CYP2F1: variants seen among roughly 807,000 people sequenced by gnomAD.
The protein encoded by CYP2F1 is cytochrome P450 family 2 subfamily F member 1.
A neutral mutation model predicts 40.4 loss-of-function variants in CYP2F1; 33 were observed. That is an observed-to-expected ratio of 0.82 (90% CI 0.62 to 1.09). The LOEUF (loss-of-function observed/expected upper bound fraction) is 1.09. Ranked by LOEUF, CYP2F1 falls within the 50% of genes least tolerant of loss-of-function variation. The pLI, the probability that CYP2F1 is intolerant of heterozygous loss-of-function variation, is 0.00. For missense variants in CYP2F1, 566 were observed against 655.7 expected, an observed-to-expected ratio of 0.86 and a Z score of 1.49; for synonymous variants, 235 against 277.2, an observed-to-expected ratio of 0.85 and a Z score of 1.51.
chr19:41,114,759 T>C (rs2031685828), intron 1 of CYP2F1, among the ~76,000 whole-genome samples: 1 of 151,326 alleles, frequency 6.6e-6, no homozygotes, highest in African/African-American at 2.4e-5. Flanking sequence ...TTCCTCTCTG[T>C]CTCCGTCTCT....
chr19:41,116,732 A>C (rs1445729305), intron 3 of CYP2F1, 115 bp downstream of exon 3: 2 of 1,171,760 alleles, frequency 1.7e-6, no homozygotes, highest in Middle Eastern at 2.6e-4. Flanking sequence ...GACATCACTG[A>C]TGACACCAAA....
At position 41,127,897 on chromosome 19, in the gene CYP2F1, G is replaced by T. The variant is rs1448073721; in HGVS notation, c.1295-4G>T. ...CGCCGCTCCCCATCCTGCCACCCCT[G>T]CAGGGCGCCGTCTGTGCCTGGGAGA... is the stretch of plus-strand genomic sequence containing the variant. On this transcript the variant is annotated splice_polypyrimidine_tract_variant and splice_region_variant and intron_variant, in intron 9 of 9. Transcript: ENST00000331105. 2.5e-6 allele frequency: 4 copies of T among 1,610,052 alleles called. No individual in the cohort carries two copies. In the Admixed American group the frequency reaches 6.7e-5, roughly 27 times the overall value.
chr19:41,124,767 C>T lies in CYP2F1; in HGVS notation c.1013C>T (p.Pro338Leu), dbSNP rs568085061. 28 of 1,608,064 alleles carry T rather than the reference C, an allele frequency of 1.7e-5. No homozygotes were observed. Among genetic ancestry groups the T allele is most frequent in the Middle Eastern group, 3.3e-4 (2 of 6,042 alleles). Residue 338 changes from proline (P) to leucine (L), a missense_variant, in exon 8 of 10, where the codon CCG becomes CTG. Around this residue, in one of 5 missense-constraint regions of CYP2F1, gnomAD observed 128 missense variants for 121.0 expected, o/e 1.06. Coordinates refer to ENST00000331105, the MANE Select transcript of CYP2F1 (RefSeq NM_000774.5). ...IDLVVGRARL[P>L]ALKDRAAMPY... ...CTCGTGGTGGGACGCGCGCGGCTGCCGGCGCTGAAGGACCGCGCGGCCATG... is the reference window on the plus strand; with the variant it reads ...CTCGTGGTGGGACGCGCGCGGCTGCTGGCGCTGAAGGACCGCGCGGCCATG...
chr19:41,116,085 C>A (rs1337971405), intron 1 of CYP2F1, 93 bp from the exon 2 acceptor site: 7 of 1,243,866 alleles, frequency 5.6e-6, no homozygotes, highest in Non-Finnish European at 6.7e-6. Flanking sequence ...CATCTGCCTT[C>A]ATTTCCAGGG....
intron 7 of CYP2F1, among the ~76,000 whole-genome samples, chr19:41,124,255 C>CCA (rs1568381420): frequency 5.7e-5 from 2 of 35,250 alleles, no homozygotes; most frequent in African/African-American, 2.4e-4. Context: ...TCCCCCCCCC[C>CCA]TTTTTTTTTT....
At position 41,128,282 on chromosome 19, in the gene CYP2F1, T is replaced by C; in HGVS notation, c.*200T>C. 1.8e-6 allele frequency: 1 copy of C among 543,008 alleles called. No homozygotes were observed. Among genetic ancestry groups the C allele is most frequent in the Admixed American group, 3.3e-5 (1 of 30,658 alleles). 33.6% of individuals were successfully genotyped at this position (543,008 alleles called of 1,614,324 possible). ...AGGGCAGAGGCAGATGTGGCATGTC[T>C]TTTTGTACCCACAGAGCTTGTTCTA... On this transcript the variant is annotated 3_prime_UTR_variant, in exon 10 of 10. Coordinates refer to ENST00000331105, the MANE Select transcript of CYP2F1 (RefSeq NM_000774.5).
chr19:41,124,836 A>G lies in CYP2F1; in HGVS notation c.1082A>G (p.Asp361Gly). 1.2e-6 allele frequency: 2 copies of G among 1,611,796 alleles called. No individual in the cohort carries two copies. Among genetic ancestry groups the G allele is most frequent in the Non-Finnish European group, 1.7e-6 (2 of 1,179,846 alleles). The change falls in exon 8 of 10, where the codon GAC (aspartate) becomes GGC (glycine). Residue 361 changes from aspartate (D) to glycine (G), a missense_variant. Asp to Gly is a moderately conservative substitution (Grantham distance 94). Around this residue, in one of 5 missense-constraint regions of CYP2F1, gnomAD observed 128 missense variants for 121.0 expected, o/e 1.06. Transcript: ENST00000331105. ...ATCCACGAGGTGCAGCGCTTTGCAG[A>G]CATCATCCCCATGAACTTGCCGCAC... ...AVIHEVQRFA[D>G]IIPMNLPHRV...
intron 7 of CYP2F1, among the ~76,000 whole-genome samples, chr19:41,124,126 G>A (rs1385105132): frequency 4.6e-5 from 7 of 151,584 alleles, no homozygotes; most frequent in African/African-American, 1.7e-4. Context: ...CTGGATTCCA[G>A]GCCTCCCTGA....
intron 5 of CYP2F1, among the ~76,000 whole-genome samples, 161 bp from the exon 6 acceptor site, chr19:41,121,796 C>A (rs1568379342): frequency 6.9e-6 from 1 of 145,814 alleles, no homozygotes; most frequent in Non-Finnish European, 1.5e-5. Flanking sequence ...CATTTATGGC[C>A]GCCATTGCCT....
chr19:41,127,985 A>G lies in CYP2F1; in HGVS notation c.1379A>G (p.Gln460Arg). ...LTAILQSFSL[Q>R]PLGAPEDIDL... ...GCCATCCTGCAGAGCTTTTCGCTGC[A>G]GCCGCTGGGTGCGCCCGAGGACATC... Residue 460 changes from glutamine (Q) to arginine (R), a missense_variant, in exon 10 of 10, where the codon CAG (glutamine) becomes CGG (arginine). Coordinates refer to ENST00000331105, the MANE Select transcript of CYP2F1 (RefSeq NM_000774.5). The G allele has an allele frequency of 1.1e-5, 18 of 1,613,432 alleles. No individual in the cohort carries two copies. Among genetic ancestry groups the G allele is most frequent in the Non-Finnish European group, 1.5e-5 (18 of 1,180,008 alleles).
chr19:41,114,711 C>T (rs2031682986), intron 1 of CYP2F1, among the ~76,000 whole-genome samples: 1 of 151,666 alleles, frequency 6.6e-6, no homozygotes, highest in African/African-American at 2.4e-5. Flanking sequence ...TGGTTGGCAA[C>T]ACTTGATTTT....
rs2032463779 is a variant in CYP2F1, at chr19:41,124,871, A to G, written c.1117A>G (p.Arg373Gly). 6.2e-7 allele frequency: 1 copy of G among 1,610,366 alleles called. No homozygotes were observed. The highest frequency in any genetic ancestry group is 1.3e-5 in the African/African-American group (1 of 74,854). Residue 373 changes from arginine (R) to glycine (G), a missense_variant, in exon 8 of 10, where the codon AGG becomes GGG. Arg to Gly is a moderately radical substitution (Grantham distance 125). Around this residue, in one of 5 missense-constraint regions of CYP2F1, gnomAD observed 128 missense variants for 121.0 expected, o/e 1.06. Transcript: ENST00000331105. ...IPMNLPHRVT[R>G]DTAFRGFLIP... ...CATGAACTTGCCGCACCGCGTCACT[A>G]GGGACACGGCCTTTCGCGGCTTCCT...
chr19:41,126,354 G>A (rs2032546625), intron 9 of CYP2F1, among the ~76,000 whole-genome samples: 2 of 152,154 alleles, frequency 1.3e-5, no homozygotes, highest in African/African-American at 4.8e-5. Flanking sequence ...GAACCCGGGA[G>A]GCGGAGGTTG....
intron 7 of CYP2F1, 154 bp downstream of exon 7, chr19:41,123,117 C>T (rs771737659): frequency 4.8e-5 from 40 of 838,374 alleles, no homozygotes; most frequent in Non-Finnish European, 7.1e-5. Flanking sequence ...GGAGGCCGAT[C>T]CCACCACATG....
rs749878742 is a variant in CYP2F1 at position 41,124,756 on chromosome 19, C to T, written c.1002C>T (p.Arg334=). Residue 334 remains arginine, a synonymous_variant, in exon 8 of 10, where the codon CGC becomes CGT. Transcript: ENST00000331105. ...AGGAGATCGACCTCGTGGTGGGACG[C>T]GCGCGGCTGCCGGCGCTGAAGGACC... ...VQEEIDLVVG[R]ARLPALKDRA... 1.4e-5 allele frequency: 23 copies of T among 1,606,084 alleles called. 1 individual carries two copies. The Admixed American group carries it at 3.2e-4, about 22-fold the overall frequency.
At chr19:41,123,289 C>T in intron 7 of CYP2F1, 1 of 431,424 alleles carries the variant, frequency 2.3e-6, no homozygotes, top group Non-Finnish European at 4.6e-6. Flanking sequence ...GCAACCTCCC[C>T]CTCCCGAGTT....
At position 41,116,170 on chromosome 19, in the gene CYP2F1, G is replaced by T. The variant is rs376071609; in HGVS notation, c.-11-8G>T. 53 of 1,605,500 alleles carry T rather than the reference G, an allele frequency of 3.3e-5. No homozygotes were observed. In the African/African-American group the frequency reaches 4.9e-4, roughly 15 times the overall value. ...TCCTCTCCCACTTTGCCCTCCACAC[G>T]CCAGCAGCTGCCTTCACCATGGACA... is the stretch of plus-strand genomic sequence containing the variant. On this transcript the variant is annotated splice_region_variant and splice_polypyrimidine_tract_variant and intron_variant, in intron 1 of 9. Transcript: ENST00000331105.
At chr19:41,121,340 AC>A in intron 4 of CYP2F1, 117 bp from the exon 5 acceptor site, 2 of 1,042,622 alleles carry the variant, frequency 1.9e-6, no homozygotes, top group South Asian at 3.0e-5. Context: ...CCGTGTTTGC[AC>A]CGTAAGACAC....
At chr19:41,122,491 T>TACAC (rs1405279694) in intron 6 of CYP2F1, among the ~76,000 whole-genome samples, 13 of 151,632 alleles carry the variant, frequency 8.6e-5, no homozygotes, top group African/African-American at 2.9e-4. Context: ...CACACATACA[T>TACAC]ACACACACAC....
Sources: gnomAD v4.1 joint callset for allele counts (sites outside exome capture counted in the v4.1 genomes callset) on GRCh38, gnomAD v4.1.1 for gene constraint, gnomAD v4.1.1 regional missense constraint, MANE v1.5 for transcripts, NCBI Gene and HGNC (gene_info 2026-07-23, HGNC 2026-07-21) for gene names.